The following LPCAT3 variants were observed in gnomAD, a reference collection of about 807,000 sequenced individuals.
LPCAT3 encodes the protein lysophospholipid acyltransferase 5.
In LPCAT3, 21 loss-of-function variants were observed where a neutral mutation model predicts 63.4. That is an observed-to-expected ratio of 0.33 (90% confidence interval 0.23 to 0.48). The LOEUF is 0.48. Among genes scored for constraint, LPCAT3 ranks in the 20% least tolerant of loss-of-function variants. The probability of loss-of-function intolerance (pLI) is 0.99; values close to 1 mark genes in which losing one functional copy is unlikely to be tolerated. For missense variants in LPCAT3, 451 were observed against 590.6 expected, an observed-to-expected ratio of 0.76 and a Z score of 2.45; for synonymous variants, 242 against 227.5, an observed-to-expected ratio of 1.06 and a Z score of -0.58.
At chr12:6,980,663 ACCTACCTACCTATCAACCTG>A (rs1187760891) in intron 6 of LPCAT3, 1 of 164,168 alleles carries the variant, frequency 6.1e-6, no homozygotes, top group South Asian at 2.0e-4. Context: ...GCCTCTATCT[ACCTACCTACCTATCAACCTG>A]CCTACCTACC....
chr12:6,992,270 C>T (rs782427680), intron 1 of LPCAT3, among the ~76,000 whole-genome samples: 4 of 151,614 alleles, frequency 2.6e-5, no homozygotes, highest in African/African-American at 7.3e-5. Flanking sequence ...GAAGTTGAGG[C>T]GGCAGTGAGC....
chr12:6,980,919 A>G (rs1946464064), intron 6 of LPCAT3, 85 bp downstream of exon 6: 13 of 1,362,520 alleles, frequency 9.5e-6, no homozygotes, highest in Non-Finnish European at 1.2e-5. Flanking sequence ...TGCCAGGGTC[A>G]TGCTGGAGAA....
At chr12:7,004,677 C>T (rs148129030) in intron 1 of LPCAT3, among the ~76,000 whole-genome samples, 13 of 152,320 alleles carry the variant, frequency 8.5e-5, no homozygotes, top group African/African-American at 2.4e-4. Flanking sequence ...TCTGAAACTT[C>T]GGGTGTTCAA....
At chr12:7,003,261 A>C (rs1946701670) in intron 1 of LPCAT3, among the ~76,000 whole-genome samples, 1 of 152,126 alleles carries the variant, frequency 6.6e-6, no homozygotes, top group South Asian at 2.1e-4. Flanking sequence ...AAGTGATCTT[A>C]AAATGTCTTA....
rs1311215311 is a variant in LPCAT3, at chr12:6,987,696, C to T, written c.152-4157G>A. The T allele has an allele frequency of 2.5e-6, 1 of 398,298 alleles. No homozygotes were observed. The highest frequency in any genetic ancestry group is 4.4e-6 in the Non-Finnish European group (1 of 225,776). The allele number at this position is 398,298 out of a possible 1,614,324, so 24.7% of individuals were successfully genotyped here. ...GTTTCTCTCTTTAAGCATGAAAACC[C>T]TTAACCATTTGGAATGCTCGAAATT... is the stretch of plus-strand genomic sequence containing the variant. On this transcript the variant is annotated intron_variant, in intron 1 of 12. Transcript: ENST00000261407. This position sits in a 1 kb window ranked among gnomAD's most constrained non-coding sequence, Gnocchi z 4.1.
At chr12:6,991,890 A>G (rs1214690201) in intron 1 of LPCAT3, among the ~76,000 whole-genome samples, 3 of 152,130 alleles carry the variant, frequency 2.0e-5, no homozygotes, top group Non-Finnish European at 4.4e-5. Flanking sequence ...CATTTCTTCA[A>G]ACAAGTTTAA....
In LPCAT3 at chr12:6,987,910, C is replaced by A. The variant is rs191184931; in HGVS notation, c.152-4371G>T. On this transcript the variant is annotated intron_variant, in intron 1 of 12. Transcript: ENST00000261407. This position sits in a 1 kb window ranked among gnomAD's most constrained non-coding sequence, Gnocchi z 4.1. ...GAGTTCTGAGTTCTTGTGTCCACTTCTTATAGCCTGTCTGTCCCTTTCCTT... is the reference window on the plus strand; with the variant it reads ...GAGTTCTGAGTTCTTGTGTCCACTTATTATAGCCTGTCTGTCCCTTTCCTT... The A allele has an allele frequency of 5.0e-6, 2 of 400,406 alleles. No homozygotes were observed. The highest frequency in any genetic ancestry group is 4.1e-5 in the African/African-American group (2 of 48,818). The allele number at this position is 400,406 out of a possible 1,614,324, so 24.8% of individuals were successfully genotyped here. A position where few individuals can be genotyped will look rare whatever the true frequency, so the allele number is the denominator to read the frequency against.
At chr12:6,992,292 C>T (rs782648013) in intron 1 of LPCAT3, among the ~76,000 whole-genome samples, 13 of 151,654 alleles carry the variant, frequency 8.6e-5, no homozygotes, top group African/African-American at 2.9e-4. Context: ...GTGATGCCCC[C>T]ACCGCACTCT....
chr12:6,981,673 G>T, intron 4 of LPCAT3, 41 bp from the exon 5 acceptor site: 1 of 1,556,500 alleles, frequency 6.4e-7, no homozygotes, highest in Non-Finnish European at 8.8e-7. Flanking sequence ...GGTGGGAGAG[G>T]ACACTGAGGA....
Position 6,983,498 on chromosome 12 carries a change from T to C in LPCAT3, c.193A>G (p.Lys65Glu). ...ALFYRHYLFY[K>E]ETYLIHLFHT... is the part of the protein sequence containing the mutation. The stretch of plus-strand genomic sequence containing the variant: ...AAGAGGTGGATGAGGTAGGTCTCCT[T>C]GTAGAAAAGGTAATGCCGATAAAAC... Residue 65 changes from lysine to glutamate, a missense_variant, in exon 2 of 13, where the codon AAG (lysine) becomes GAG (glutamate). Transcript: ENST00000261407. 1 of 1,612,980 alleles carries C rather than the reference T, an allele frequency of 6.2e-7. No homozygotes were observed. Among genetic ancestry groups the C allele is most frequent in the African/African-American group, 1.3e-5 (1 of 74,978 alleles).
At chr12:6,990,567 T>C (rs7487926) in intron 1 of LPCAT3, among the ~76,000 whole-genome samples, 1 of 120,678 alleles carries the variant, frequency 8.3e-6, no homozygotes, top group Non-Finnish European at 1.7e-5. Context: ...ATAAATAAAT[T>C]GAGCACCCCA....
At chr12:6,999,968 G>A (rs1235339) in intron 1 of LPCAT3, among the ~76,000 whole-genome samples, 2 of 137,956 alleles carry the variant, frequency 1.4e-5, no homozygotes, top group South Asian at 4.5e-4. Flanking sequence ...TCCTCAGGCT[G>A]GAGTGCAGTA....
rs1555153360 is a variant in LPCAT3, at chr12:6,977,230, G to A, written c.1380C>T (p.Ile460=). Residue 460 remains isoleucine, a synonymous_variant, in exon 12 of 13, where the codon ATC becomes ATT. Transcript: ENST00000261407. This position sits in a 1 kb window ranked among gnomAD's most constrained non-coding sequence, Gnocchi z 4.5. Reference sequence around the variant, plus strand: ...ATATGAATAGTAGGCTCAGGAAGAAGATGTGGCCAAGGAAATAGATGGATT... The same window carrying A: ...ATATGAATAGTAGGCTCAGGAAGAAAATGTGGCCAAGGAAATAGATGGATT... ...VYKSIYFLGH[I]FFLSLLFILP... 6.2e-7 allele frequency: 1 copy of A among 1,613,992 alleles called. No homozygotes were observed. Among genetic ancestry groups the A allele is most frequent in the Admixed American group, 1.7e-5 (1 of 60,024 alleles).
At chr12:7,001,826 G>A (rs892429152) in intron 1 of LPCAT3, among the ~76,000 whole-genome samples, 4 of 152,076 alleles carry the variant, frequency 2.6e-5, no homozygotes, top group African/African-American at 9.7e-5. Flanking sequence ...GAAACCCAGT[G>A]TTAAGAGACT....
intron 1 of LPCAT3, among the ~76,000 whole-genome samples, chr12:6,986,890 G>A (rs1255222313): frequency 6.6e-6 from 1 of 151,950 alleles, no homozygotes; most frequent in Non-Finnish European, 1.5e-5. Flanking sequence ...TAGGCGGGTG[G>A]GTCGCCTGAG....
At chr12:6,982,314 C>T (rs917500925) in intron 3 of LPCAT3, among the ~76,000 whole-genome samples, 26 of 152,206 alleles carry the variant, frequency 1.7e-4, no homozygotes, top group African/African-American at 6.3e-4. Context: ...GCTGGGATTA[C>T]AGGTGTGAGC....
Position 6,978,418 on chromosome 12 carries a change from C to CA in LPCAT3, c.962dup (p.Trp322ValfsTer4). On this transcript the variant is annotated frameshift_variant, in exon 9 of 13. Coordinates refer to ENST00000261407, the MANE Select transcript of LPCAT3 (RefSeq NM_005768.6). LOFTEE classifies it high-confidence loss of function. ...AGCGGGGGTTTGTTTCAAAGAGCCA[C>CA]ACCTTCATGTTGGCACAGGCATCCC... 1 of 1,614,116 alleles carries CA rather than the reference C, an allele frequency of 6.2e-7. No homozygotes were observed. Among genetic ancestry groups the CA allele is most frequent in the East Asian group, 2.2e-5 (1 of 44,894 alleles).
Position 6,978,446 on chromosome 12 carries a change from T to C in LPCAT3, c.935A>G (p.Lys312Arg), listed in dbSNP as rs1946434323. 1 of 1,614,028 alleles carries C rather than the reference T, an allele frequency of 6.2e-7. No homozygotes were observed. Among genetic ancestry groups the C allele is most frequent in the African/African-American group, 1.3e-5 (1 of 74,924 alleles). The change falls in exon 9 of 13, where the codon AAG (lysine) becomes AGG (arginine). Residue 312 changes from lysine to arginine, a missense_variant. Transcript: ENST00000261407. ...FNGFEEKGKAKWDACANMKVW... is the reference protein window; with the variant it reads ...FNGFEEKGKARWDACANMKVW... Reference sequence around the variant, plus strand: ...CTTCATGTTGGCACAGGCATCCCACTTTGCCTTGCCCTTTTCTTCAAAGCC... The same window carrying C: ...CTTCATGTTGGCACAGGCATCCCACCTTGCCTTGCCCTTTTCTTCAAAGCC...
Position 7,018,301 on chromosome 12 carries a change from G to A in LPCAT3, c.124C>T (p.Leu42=), listed in dbSNP as rs1946808973. ...AGGAAGATGGAGATGATCAGCCGCA[G>A]CGCCTGTTCTGACGCGCCCAGGGAC... ...ATSLGASEQA[L]RLIISIFLGY... is the part of the protein sequence containing the mutation. The change falls in exon 1 of 13, where the codon CTG becomes TTG. Residue 42 remains leucine (L), a synonymous_variant. Coordinates refer to ENST00000261407, the MANE Select transcript of LPCAT3 (RefSeq NM_005768.6). The surrounding 1 kb of genome is among the most constrained non-coding windows in gnomAD (Gnocchi z 4.9). The A allele has an allele frequency of 6.2e-7, 1 of 1,606,948 alleles. No homozygotes were observed. Among genetic ancestry groups the A allele is most frequent in the Non-Finnish European group, 8.5e-7 (1 of 1,177,186 alleles).
Sources: allele counts gnomAD v4.1 joint callset (sites outside exome capture counted in the v4.1 genomes callset), GRCh38; gene constraint gnomAD v4.1.1; non-coding constraint Gnocchi (gnomAD v3.1); transcripts MANE v1.5; gene names NCBI Gene and HGNC (gene_info 2026-07-23, HGNC 2026-07-21).